Variants in ZNF429 observed in about 807,000 individuals in gnomAD.
ZNF429 encodes the protein zinc finger protein 429.
Under a neutral mutation model 56.8 loss-of-function variants are expected in ZNF429, and 53 were observed. The ratio of observed to expected loss-of-function variants is 0.93; its 90% CI spans 0.75 to 1.17. ZNF429 has a LOEUF of 1.17. Among genes scored for constraint, ZNF429 ranks in the 50% most tolerant of loss-of-function variants. ZNF429 has a pLI of 0.00. For missense variants in ZNF429, 849 were observed against 788.4 expected, an observed-to-expected ratio of 1.08 and a Z score of -0.92; for synonymous variants, 278 against 264.7, an observed-to-expected ratio of 1.05 and a Z score of -0.49.
intron 1 of ZNF429, among the ~76,000 whole-genome samples, chr19:21,510,239 C>G (rs1241636857): frequency 6.6e-6 from 1 of 152,102 alleles, no homozygotes; most frequent in African/African-American, 2.4e-5. Flanking sequence ...ACATCAGATT[C>G]TAGATCAGAG....
At chr19:21,511,369 C>G (rs984806076) in intron 1 of ZNF429, among the ~76,000 whole-genome samples, 6 of 151,656 alleles carry the variant, frequency 4.0e-5, no homozygotes, top group Admixed American at 1.3e-4. Context: ...ACTGGGCGGC[C>G]GGGCAGAGAC....
At position 21,506,775 on chromosome 19, in the gene ZNF429, T is replaced by G. The variant is rs550527593; in HGVS notation, c.3+1001T>G. On this transcript the variant is annotated intron_variant, in intron 1 of 3. Coordinates refer to ENST00000358491, the MANE Select transcript of ZNF429 (RefSeq NM_001001415.4). ...ATTTGAGTTAGTTTTTTGTTTTTTT[T>G]TTTTTTTTTTTGAGATGGAGTTTCC... 1.0e-3 allele frequency among the ~76,000 whole-genome samples: 152 copies of G among 146,290 alleles called. 1 individual carries two copies. Among genetic ancestry groups the G allele is most frequent in the African/African-American group, 3.4e-3 (136 of 39,648 alleles).
intron 1 of ZNF429, among the ~76,000 whole-genome samples, chr19:21,513,834 C>T (rs756091969): frequency 6.6e-6 from 1 of 152,078 alleles, no homozygotes; most frequent in Non-Finnish European, 1.5e-5. Flanking sequence ...GCTGCCACCA[C>T]GTGATTCCCA....
intron 1 of ZNF429, among the ~76,000 whole-genome samples, chr19:21,514,412 T>A (rs1174894481): frequency 6.6e-6 from 1 of 152,162 alleles, no homozygotes; most frequent in Non-Finnish European, 1.5e-5. Context: ...TATTTAGCTC[T>A]TATAAATGAG....
intron 1 of ZNF429, among the ~76,000 whole-genome samples, chr19:21,521,003 A>G (rs1248131094): frequency 2.0e-5 from 3 of 152,224 alleles, no homozygotes; most frequent in Non-Finnish European, 4.4e-5. Context: ...TTTTAACTGA[A>G]TTATGGTTAC....
intron 1 of ZNF429, among the ~76,000 whole-genome samples, chr19:21,528,619 C>T (rs547563424): frequency 2.8e-4 from 42 of 152,008 alleles, no homozygotes; most frequent in Admixed American, 2.2e-3. Flanking sequence ...GCAGGAGAAT[C>T]GCTTGAACCC....
intron 1 of ZNF429, among the ~76,000 whole-genome samples, chr19:21,516,044 G>GT (rs566423496): frequency 4.9e-4 from 74 of 151,588 alleles, no homozygotes; most frequent in African/African-American, 1.8e-3. Context: ...TTTGTTTTTT[G>GT]TTTTTTTGTT....
chr19:21,508,065 T>C (rs2650835), intron 1 of ZNF429, among the ~76,000 whole-genome samples: 29,808 of 151,912 alleles, frequency 0.2, 3,001 homozygotes, highest in African/African-American at 0.22. Flanking sequence ...CCAGCCTAGC[T>C]AACATGATGA....
chr19:21,528,349 A>AAAAG (rs2033244017), intron 1 of ZNF429, among the ~76,000 whole-genome samples: 1 of 152,148 alleles, frequency 6.6e-6, no homozygotes, highest in South Asian at 2.1e-4. Flanking sequence ...AATAATATAT[A>AAAAG]TTAGGAGGTA....
chr19:21,512,109 C>G (rs570202255), intron 1 of ZNF429, among the ~76,000 whole-genome samples: 2 of 150,284 alleles, frequency 1.3e-5, no homozygotes, highest in South Asian at 4.1e-4. Context: ...AGAGGGAGAG[C>G]GGTAATTTCT....
At chr19:21,526,726 A>T (rs1230107094) in intron 1 of ZNF429, among the ~76,000 whole-genome samples, 1 of 152,022 alleles carries the variant, frequency 6.6e-6, no homozygotes, top group African/African-American at 2.4e-5. Flanking sequence ...TTAATAATCA[A>T]TTTTTTTTGT....
Position 21,535,925 on chromosome 19 carries a change from T to C in ZNF429, c.227-355T>C. On this transcript the variant is annotated intron_variant, in intron 3 of 3. Coordinates refer to ENST00000358491, the MANE Select transcript of ZNF429 (RefSeq NM_001001415.4). ...TGTATGTGCCAATATATTTCTTGTC[T>C]TTTAAAAACAAAATGAGGAGCTGGC... Among the ~76,000 whole-genome samples, 372 of 152,330 alleles carry C rather than the reference T, an allele frequency of 2.4e-3. 2 individuals are homozygous for C. Among genetic ancestry groups the C allele is most frequent in the African/African-American group, 8.1e-3 (336 of 41,584 alleles).
intron 3 of ZNF429, among the ~76,000 whole-genome samples, chr19:21,533,058 A>G: frequency 6.6e-6 from 1 of 151,710 alleles, no homozygotes; most frequent in Non-Finnish European, 1.5e-5. Flanking sequence ...TAATGGCTGC[A>G]TTCTTGTTTT....
chr19:21,535,420 CTTTCTTTCTTTCTTT>C lies in ZNF429; in HGVS notation c.227-859_227-845del. On this transcript the variant is annotated intron_variant, in intron 3 of 3. Coordinates refer to ENST00000358491, the MANE Select transcript of ZNF429 (RefSeq NM_001001415.4). ...TTCTTTCTTTCTTTTTCTTTTCTTT[CTTTCTTTCTTTCTTT>C]CTTTCTTTCTTTCTTTCTTTCTTTC... 3.2e-4 allele frequency among the ~76,000 whole-genome samples: 2 copies of C among 6,348 alleles called. 1 individual carries two copies. Among genetic ancestry groups the C allele is most frequent in the Non-Finnish European group, 1.0e-3 (2 of 1,964 alleles). The allele number at this position is 6,348 out of a possible 152,430, so 4.2% of individuals were successfully genotyped here. A position where few individuals can be genotyped will look rare whatever the true frequency, so the allele number is the denominator to read the frequency against.
At chr19:21,519,863 T>C (rs2032923066) in intron 1 of ZNF429, among the ~76,000 whole-genome samples, 1 of 99,274 alleles carries the variant, frequency 1.0e-5, no homozygotes, top group Admixed American at 1.1e-4. Flanking sequence ...TGTGCACCCA[T>C]GAATTTTTTT....
At chr19:21,522,684 G>A (rs1354964042) in intron 1 of ZNF429, among the ~76,000 whole-genome samples, 1 of 152,148 alleles carries the variant, frequency 6.6e-6, no homozygotes, top group African/African-American at 2.4e-5. Context: ...ATCACCTTGA[G>A]GTCAGGAGTT....
chr19:21,514,818 C>G (rs1027297208), intron 1 of ZNF429, among the ~76,000 whole-genome samples: 1 of 152,034 alleles, frequency 6.6e-6, no homozygotes, highest in Non-Finnish European at 1.5e-5. Context: ...AGGCTTGTCT[C>G]GAACTCCTGA....
rs201618245 is a variant in ZNF429, at chr19:21,537,718, T to A, written c.1665T>A (p.His555Gln). The A allele has an allele frequency of 1.2e-4, 193 of 1,613,560 alleles. No homozygotes were observed. The highest frequency in any genetic ancestry group is 2.5e-5 in the Non-Finnish European group (30 of 1,179,976). Residue 555 changes from histidine to glutamine, a missense_variant, in exon 4 of 4, where the codon CAT becomes CAA. By Grantham distance (24) the His-to-Gln change is conservative. Transcript: ENST00000358491. ...ACCGGTCCTCAAGACTTACTCAACA[T>A]AAGAAAATTCATACTGGAGAGAAAC... The part of the protein sequence containing the change: ...AFNRSSRLTQ[H>Q]KKIHTGEKPY...
chr19:21,529,731 A>G lies in ZNF429; in HGVS notation c.77A>G (p.Gln26Arg). Residue 26 changes from glutamine (Q) to arginine (R), a missense_variant, in exon 2 of 4, where the codon CAG becomes CGG. By Grantham distance (43) the Gln-to-Arg change is conservative (BLOSUM62 1). Transcript: ENST00000358491. ...TGGCAGTGCCTGGACACAGCACAAC[A>G]GAACTTATATAGAAATGTGATGTTA... is the stretch of plus-strand genomic sequence containing the variant. ...EEWQCLDTAQQNLYRNVMLEN... is the reference protein window; with the variant it reads ...EEWQCLDTAQRNLYRNVMLEN... The G allele has an allele frequency of 1.2e-6, 2 of 1,602,168 alleles. No individual in the cohort carries two copies. Among genetic ancestry groups the G allele is most frequent in the Non-Finnish European group, 1.7e-6 (2 of 1,173,928 alleles).
Sources: allele counts gnomAD v4.1 joint callset (sites outside exome capture counted in the v4.1 genomes callset), GRCh38; gene constraint gnomAD v4.1.1; transcripts MANE v1.5; gene names NCBI Gene and HGNC (gene_info 2026-07-23, HGNC 2026-07-21).